NEGR1: variants seen among roughly 807,000 people sequenced by gnomAD.
The protein encoded by NEGR1 is neuronal growth regulator 1, also known as IgLON family member 4.
NEGR1 carries 10 observed loss-of-function variants against 40.9 expected under a neutral mutation model. The ratio of observed to expected loss-of-function variants is 0.24; its 90% CI spans 0.15 to 0.42. NEGR1 has a LOEUF of 0.42. NEGR1 is among the 10% of genes least tolerant of loss of function. The pLI, the probability that NEGR1 is intolerant of heterozygous loss-of-function variation, is 1.00. For synonymous variants in NEGR1, 185 were observed against 166.8 expected (o/e 1.11, Z -0.84); for missense variants, 352 against 438.9 (o/e 0.80, Z 1.77).
At chr1:72,052,484 C>T (rs2100478836) in intron 1 of NEGR1, among the ~76,000 whole-genome samples, 1 of 151,344 alleles carries the variant, frequency 6.6e-6, no homozygotes, top group South Asian at 2.1e-4. Context: ...CAAAAGAAGC[C>T]CTAATTCCAC....
chr1:71,575,400 C>T (rs1190722028), intron 6 of NEGR1, among the ~76,000 whole-genome samples: 1 of 152,142 alleles, frequency 6.6e-6, no homozygotes, highest in South Asian at 2.1e-4. Flanking sequence ...TTCAGATTTC[C>T]TCAATGTAGC....
Position 71,638,630 on chromosome 1 carries a change from A to C in NEGR1, c.668-27484T>G, listed in dbSNP as rs534875878. 2.6e-5 allele frequency among the ~76,000 whole-genome samples: 4 copies of C among 152,182 alleles called. No homozygotes were observed. In the South Asian group the frequency reaches 8.3e-4, roughly 32 times the overall value. ...CATTTAACCTTCACAACAGTTCTGT[A>C]AGTACTATTATGATTTCCATTTTAC... On this transcript the variant is annotated intron_variant, in intron 4 of 6. Coordinates refer to ENST00000357731, the MANE Select transcript of NEGR1 (RefSeq NM_173808.3).
chr1:72,007,240 C>T (rs1646615721), intron 1 of NEGR1, among the ~76,000 whole-genome samples: 1 of 152,044 alleles, frequency 6.6e-6, no homozygotes, highest in Non-Finnish European at 1.5e-5. Context: ...TTGACCATTT[C>T]ATTTTTAATT....
chr1:71,738,622 G>C (rs888804779), intron 3 of NEGR1, among the ~76,000 whole-genome samples: 6 of 152,056 alleles, frequency 3.9e-5, no homozygotes, highest in Non-Finnish European at 8.8e-5. Context: ...CCATAAGAAG[G>C]GAATGCTGTC....
intron 1 of NEGR1, among the ~76,000 whole-genome samples, chr1:72,088,552 A>G (rs1030651052): frequency 6.6e-6 from 1 of 152,072 alleles, no homozygotes; most frequent in Non-Finnish European, 1.5e-5. Context: ...AGCCAGGAGA[A>G]CCCAGATCTG....
chr1:72,132,172 A>G (rs1650280636), intron 1 of NEGR1, among the ~76,000 whole-genome samples: 1 of 152,328 alleles, frequency 6.6e-6, no homozygotes, highest in Middle Eastern at 3.4e-3. Flanking sequence ...TAAATAGGAC[A>G]CAACTGGAAC....
intron 1 of NEGR1, among the ~76,000 whole-genome samples, chr1:72,270,402 G>A (rs979802142): frequency 1.3e-5 from 2 of 151,872 alleles, no homozygotes; most frequent in South Asian, 4.1e-4. Flanking sequence ...AATGTATAGG[G>A]AAAGTTCTTG....
intron 1 of NEGR1, among the ~76,000 whole-genome samples, chr1:71,985,652 A>C (rs537956965): frequency 1.3e-5 from 2 of 152,218 alleles, no homozygotes; most frequent in Admixed American, 6.5e-5. Flanking sequence ...GGACAAATCT[A>C]TTAAATTATA....
chr1:71,894,560 A>G (rs980177944), intron 2 of NEGR1, among the ~76,000 whole-genome samples: 2 of 152,368 alleles, frequency 1.3e-5, no homozygotes, highest in South Asian at 2.1e-4. Flanking sequence ...ATAAGACCAA[A>G]GAAGTTAAGT....
chr1:72,079,600 T>G (rs1315341028), intron 1 of NEGR1, among the ~76,000 whole-genome samples: 2 of 152,104 alleles, frequency 1.3e-5, no homozygotes, highest in African/African-American at 4.8e-5. Context: ...ATAATCAATA[T>G]GTATGAACAC....
At chr1:71,671,121 T>C (rs1652413155) in intron 4 of NEGR1, among the ~76,000 whole-genome samples, 1 of 152,204 alleles carries the variant, frequency 6.6e-6, no homozygotes, top group Admixed American at 6.5e-5. Flanking sequence ...CTTTATATTG[T>C]CATCACTATT....
chr1:71,808,333 T>C (rs1657855858), intron 2 of NEGR1, among the ~76,000 whole-genome samples: 1 of 152,228 alleles, frequency 6.6e-6, no homozygotes, highest in Non-Finnish European at 1.5e-5. Flanking sequence ...TTGAAATAAC[T>C]CAAAATAGTC....
At chr1:72,268,501 A>G (rs1335056662) in intron 1 of NEGR1, among the ~76,000 whole-genome samples, 1 of 151,454 alleles carries the variant, frequency 6.6e-6, no homozygotes, top group African/African-American at 2.4e-5. Context: ...ATAGATGGGA[A>G]CTTATCTCTT....
At chr1:72,236,971 G>T (rs1195723464) in intron 1 of NEGR1, among the ~76,000 whole-genome samples, 1 of 151,886 alleles carries the variant, frequency 6.6e-6, no homozygotes, top group African/African-American at 2.4e-5. Flanking sequence ...ATACTATGCT[G>T]ATTTTTCAAA....
intron 1 of NEGR1, among the ~76,000 whole-genome samples, chr1:72,227,132 A>G (rs1468097488): frequency 2.0e-5 from 3 of 152,108 alleles, no homozygotes; most frequent in Non-Finnish European, 4.4e-5. Flanking sequence ...ATGTCTTTGA[A>G]TCCACAAAAA....
chr1:71,724,860 T>G (rs1306501473), intron 3 of NEGR1, among the ~76,000 whole-genome samples: 2 of 152,056 alleles, frequency 1.3e-5, no homozygotes. Context: ...TCTTGTGATC[T>G]CTAACCACCT....
chr1:72,216,371 TTATATATATATACATA>T (rs1206291541), intron 1 of NEGR1, among the ~76,000 whole-genome samples: 2 of 115,704 alleles, frequency 1.7e-5, no homozygotes, highest in Admixed American at 8.4e-5. Flanking sequence ...AACTTGGAAG[TTATATATATATACATA>T]TATATATATA....
chr1:71,944,185 C>A (rs1645997219), intron 1 of NEGR1, among the ~76,000 whole-genome samples: 1 of 152,318 alleles, frequency 6.6e-6, no homozygotes, highest in South Asian at 2.1e-4. Context: ...AAAGTTCTGT[C>A]TGCAATACTG....
intron 4 of NEGR1, among the ~76,000 whole-genome samples, chr1:71,638,039 T>C (rs1162932014): frequency 6.6e-6 from 1 of 152,080 alleles, no homozygotes; most frequent in African/African-American, 2.4e-5. Flanking sequence ...TTAAGGAATC[T>C]TCCCAAGCTC....
Sources: gnomAD v4.1 joint callset for allele counts (sites outside exome capture counted in the v4.1 genomes callset) on GRCh38, gnomAD v4.1.1 for gene constraint, MANE v1.5 for transcripts, NCBI Gene and HGNC (gene_info 2026-07-23, HGNC 2026-07-21) for gene names.